Variants in PLA2G4E observed in about 807,000 individuals in gnomAD.
The protein encoded by PLA2G4E is phospholipase A2 group IVE.
Under a neutral mutation model 109.1 loss-of-function variants are expected in PLA2G4E, and 84 were observed. That is an observed-to-expected ratio of 0.77 (90% confidence interval 0.65 to 0.92). The LOEUF is 0.92. Ranked by LOEUF, PLA2G4E falls within the 40% of genes least tolerant of loss-of-function variation. The pLI is 0.00. For synonymous variants in PLA2G4E, 469 were observed against 436.1 expected (o/e 1.08, Z -0.94); for missense variants, 1,057 against 1,076.6 (o/e 0.98, Z 0.25).
In PLA2G4E at chr15:41,983,993, C is replaced by CTTG; in HGVS notation, c.2387-22_2387-20dup. On this transcript the variant is annotated intron_variant, in intron 19 of 19. Transcript: ENST00000399518. ...TCTACACCTGTGGGCAGCAGGATGA[C>CTTG]TTGTTATAGACTCTGTCATGTTAGG... 1 of 1,579,578 alleles carries CTTG rather than the reference C, an allele frequency of 6.3e-7. No individual in the cohort carries two copies. The highest frequency in any genetic ancestry group is 8.6e-7 in the Non-Finnish European group (1 of 1,159,780).
Position 42,004,985 on chromosome 15 carries a change from G to A in PLA2G4E, c.526-7C>T, listed in dbSNP as rs371280220. The A allele has an allele frequency of 2.0e-4, 321 of 1,612,564 alleles. 3 individuals are homozygous for A. The African/African-American group carries it at 3.5e-3, about 18-fold the overall frequency. On this transcript the variant is annotated splice_polypyrimidine_tract_variant and splice_region_variant and intron_variant, in intron 4 of 19. Coordinates refer to ENST00000399518, the Ensembl canonical transcript of PLA2G4E. Reference sequence around the variant, plus strand: ...CCTCCAGCTCTTCCATGCCCTGGTAGGGGAGGGAGGGAAGGCAGCTGTGAG... The same window carrying A: ...CCTCCAGCTCTTCCATGCCCTGGTAAGGGAGGGAGGGAAGGCAGCTGTGAG...
rs572647228 is a variant in PLA2G4E at position 42,001,129 on chromosome 15, A to G, written c.673+28T>C. ...TGGAAGCAGCTCCCCCTTGTCCCCC[A>G]GTAGGCAGAAAAGGCAAAACAGCTC... On this transcript the variant is annotated intron_variant, in intron 7 of 19. Transcript: ENST00000399518. 2.0e-4 allele frequency: 319 copies of G among 1,594,112 alleles called. 7 individuals carry two copies. The South Asian group carries it at 3.2e-3, about 16-fold the overall frequency.
At chr15:42,010,028 T>C (rs1042061671) in intron 2 of PLA2G4E, 1 of 438,594 alleles carries the variant, frequency 2.3e-6, no homozygotes, top group South Asian at 1.9e-5. Flanking sequence ...TCACTGCAGA[T>C]ACAGGTCAGA....
intron 7 of PLA2G4E, 78 bp downstream of exon 7, chr15:42,001,079 G>A (rs191349279): frequency 2.1e-6 from 3 of 1,438,938 alleles, no homozygotes; most frequent in Non-Finnish European, 2.9e-6. Context: ...CCCTGGACTA[G>A]GTGGAGTCTG....
At chr15:42,017,743 G>A (rs567069165) in intron 1 of PLA2G4E, among the ~76,000 whole-genome samples, 60 of 152,162 alleles carry the variant, frequency 3.9e-4, no homozygotes, top group African/African-American at 1.4e-3. Context: ...CTCCCCCAAA[G>A]CCAAAAAATA....
exon 20 of PLA2G4E, chr15:41,982,078 G>A (rs529264126): frequency 2.0e-5 from 3 of 152,302 alleles, no homozygotes; most frequent in African/African-American, 7.2e-5. Flanking sequence ...TGCACTTTGA[G>A]TAGCAAGGAT....
At chr15:41,987,187 A>G (rs1357134560) in exon 17 of PLA2G4E, 2 of 1,613,766 alleles carry the variant, frequency 1.2e-6, no homozygotes, top group African/African-American at 2.7e-5. Context: ...CACCTAGAGA[A>G]CTGGCCATTC....
chr15:42,010,142 C>CG (rs1555387035), intron 2 of PLA2G4E: 66 of 459,516 alleles, frequency 1.4e-4, no homozygotes, highest in South Asian at 4.7e-4. Context: ...GCCCCCCCAC[C>CG]CCGGGCCTGG....
intron 1 of PLA2G4E, among the ~76,000 whole-genome samples, chr15:42,044,301 T>C (rs558319452): frequency 6.6e-6 from 1 of 151,950 alleles, no homozygotes; most frequent in Non-Finnish European, 1.5e-5. Flanking sequence ...CTGAAACCTG[T>C]AGGAAAATCG....
intron 2 of PLA2G4E, 124 bp downstream of exon 2, chr15:42,013,561 C>G (rs1355994483): frequency 4.7e-6 from 4 of 842,384 alleles, no homozygotes; most frequent in Non-Finnish European, 7.6e-6. Flanking sequence ...CACGTATACA[C>G]CATGCACGTG....
At chr15:42,001,125 C>T in intron 7 of PLA2G4E, 32 bp downstream of exon 7, 3 of 1,587,198 alleles carry the variant, frequency 1.9e-6, no homozygotes, top group Non-Finnish European at 2.6e-6. Flanking sequence ...CCCCCTTGTC[C>T]CCCAGTAGGC....
intron 1 of PLA2G4E, among the ~76,000 whole-genome samples, chr15:42,028,726 G>T (rs751722878): frequency 6.6e-6 from 1 of 152,034 alleles, no homozygotes; most frequent in Non-Finnish European, 1.5e-5. Context: ...TTTTTAAAAG[G>T]CTTCTTCTAT....
chr15:42,002,780 T>G (rs2068435560), intron 5 of PLA2G4E, 84 bp from the exon 6 acceptor site: 1 of 1,247,350 alleles, frequency 8.0e-7, no homozygotes, highest in Non-Finnish European at 1.1e-6. Flanking sequence ...ATAAATAGGG[T>G]CAATAACAAA....
intron 5 of PLA2G4E, 50 bp downstream of exon 5, chr15:42,004,888 C>T (rs150753968): frequency 1.2e-6 from 2 of 1,601,288 alleles, no homozygotes; most frequent in East Asian, 4.5e-5. Flanking sequence ...TTCCCAGAAG[C>T]TACTTGATGG....
chr15:42,039,995 A>G (rs1199720951), intron 1 of PLA2G4E, among the ~76,000 whole-genome samples: 3 of 152,206 alleles, frequency 2.0e-5, no homozygotes, highest in Non-Finnish European at 4.4e-5. Context: ...TGTAAAACAG[A>G]TAAAATTAAG....
intron 1 of PLA2G4E, among the ~76,000 whole-genome samples, chr15:42,039,538 T>C (rs1407671697): frequency 1.9e-5 from 2 of 105,504 alleles, no homozygotes; most frequent in Non-Finnish European, 4.2e-5. Context: ...TATGTGTACG[T>C]ATATATATAT....
intron 1 of PLA2G4E, among the ~76,000 whole-genome samples, chr15:42,024,166 G>A (rs2068673385): frequency 6.6e-6 from 1 of 152,216 alleles, no homozygotes; most frequent in Non-Finnish European, 1.5e-5. Flanking sequence ...CGGGGAGTTG[G>A]AAGTGGACTG....
chr15:41,983,376 G>A (rs1193426653), exon 20 of PLA2G4E: 9 of 219,676 alleles, frequency 4.1e-5, no homozygotes, highest in Admixed American at 1.0e-4. Flanking sequence ...CCCGCCACAC[G>A]AGGTAGAGGA....
At chr15:42,022,041 G>A (rs1380594272) in intron 1 of PLA2G4E, among the ~76,000 whole-genome samples, 1 of 152,150 alleles carries the variant, frequency 6.6e-6, no homozygotes, top group African/African-American at 2.4e-5. Flanking sequence ...CCTCTGCCAA[G>A]GATGGGGACT....
Sources: gnomAD v4.1 joint callset for allele counts (sites outside exome capture counted in the v4.1 genomes callset) on GRCh38, gnomAD v4.1.1 for gene constraint, MANE v1.5 for transcripts, NCBI Gene and HGNC (gene_info 2026-07-23, HGNC 2026-07-21) for gene names.